RAB11FIP5: variants seen among roughly 807,000 people sequenced by gnomAD.
The protein encoded by RAB11FIP5 is rab11 family-interacting protein 5.
A neutral mutation model predicts 85.1 loss-of-function variants in RAB11FIP5; 48 were observed. The ratio of observed to expected loss-of-function variants is 0.56; its 90% confidence interval spans 0.45 to 0.72. The LOEUF (loss-of-function observed/expected upper bound fraction) is 0.72. Ranked by LOEUF, RAB11FIP5 falls within the 30% of genes least tolerant of loss-of-function variation. RAB11FIP5 has a pLI of 0.00. For synonymous variants in RAB11FIP5, 729 were observed against 727.3 expected (o/e 1.00, Z -0.04); for missense variants, 1,491 against 1,687.0 (o/e 0.88, Z 2.04).
intron 1 of RAB11FIP5, among the ~76,000 whole-genome samples, chr2:73,106,671 CT>C (rs1277121764): frequency 6.6e-6 from 1 of 152,238 alleles, no homozygotes; most frequent in African/African-American, 2.4e-5. Flanking sequence ...GCCACCTCTT[CT>C]TTACCCCAAA....
In RAB11FIP5 at chr2:73,075,984, G is replaced by A. The variant is rs765293934; in HGVS notation, c.3771+9C>T. On this transcript the variant is annotated intron_variant, in intron 5 of 5. Transcript: ENST00000486777. This position sits in a 1 kb window ranked among gnomAD's most constrained non-coding sequence, Gnocchi z 4.6. ...TGTCAGATGGCCCCCACACCCTGCT[G>A]GGCCTTACCTTCAGCCTTTTGGTGT... The A allele has an allele frequency of 1.9e-6, 3 of 1,609,246 alleles. No individual in the cohort carries two copies. Among genetic ancestry groups the A allele is most frequent in the Non-Finnish European group, 8.5e-7 (1 of 1,176,462 alleles).
At position 73,088,062 on chromosome 2, in the gene RAB11FIP5, G is replaced by A; in HGVS notation, c.1556C>T (p.Thr519Ile). 1 of 1,595,994 alleles carries A rather than the reference G, an allele frequency of 6.3e-7. No individual in the cohort carries two copies. Among genetic ancestry groups the A allele is most frequent in the Non-Finnish European group, 8.5e-7 (1 of 1,169,774 alleles). ...GCCAACGACTTACCTGGGTTTCTGA[G>A]TCGGGTCCTTGGCTTCTCTCAAGCC... ...WFGLREAKDP[T>I]QKPSLDVSPQ... The change falls in exon 3 of 6, where the codon ACT (threonine) becomes ATT (isoleucine). Residue 519 changes from threonine (T) to isoleucine (I), a missense_variant. By Grantham distance (89) the Thr-to-Ile change is moderately conservative. This residue lies in a region of RAB11FIP5 where 1,211 missense variants were observed against 1,338.0 expected (regional missense o/e 0.91). Transcript: ENST00000486777.
At chr2:73,083,344 G>T (rs552743505) in intron 3 of RAB11FIP5, among the ~76,000 whole-genome samples, 2 of 152,284 alleles carry the variant, frequency 1.3e-5, no homozygotes, top group Admixed American at 1.3e-4. Context: ...CTAAACAGAG[G>T]CACAGGTAGC....
At chr2:73,082,138 C>T (rs982375387) in intron 3 of RAB11FIP5, among the ~76,000 whole-genome samples, 2 of 151,022 alleles carry the variant, frequency 1.3e-5, no homozygotes, top group Non-Finnish European at 2.9e-5. Context: ...CAGGCTCAAG[C>T]CATTCTTGTG....
intron 1 of RAB11FIP5, among the ~76,000 whole-genome samples, chr2:73,103,128 T>C (rs1684461129): frequency 6.6e-6 from 1 of 152,138 alleles, no homozygotes; most frequent in Admixed American, 6.5e-5. Context: ...TACCCCATCT[T>C]TTGATTTGGT....
chr2:73,080,969 C>G lies in RAB11FIP5; in HGVS notation c.2263G>C (p.Ala755Pro). 1 of 1,232,342 alleles carries G rather than the reference C, an allele frequency of 8.1e-7. No homozygotes were observed. The highest frequency in any genetic ancestry group is 1.5e-5 in the African/African-American group (1 of 64,548). 76.3% of individuals were successfully genotyped at this position (1,232,342 alleles called of 1,614,324 possible). The change falls in exon 4 of 6, where the codon GCC (alanine) becomes CCC (proline). Residue 755 changes from alanine (A) to proline (P), a missense_variant. Around this residue, in one of 3 missense-constraint regions of RAB11FIP5, gnomAD observed 1,211 missense variants for 1,338.0 expected, o/e 0.91. Transcript: ENST00000486777. Reference sequence around the variant, plus strand: ...CCTGAGGCTCTCAGCTGTAGCTGGGCTGACGAGGAGGGCAGGCCAGCCCCT... The same window carrying G: ...CCTGAGGCTCTCAGCTGTAGCTGGGGTGACGAGGAGGGCAGGCCAGCCCCT... Reference protein sequence around the residue: ...SVGAGLPSSSAQLQLRASGSE... With the variant: ...SVGAGLPSSSPQLQLRASGSE...
chr2:73,079,478 C>T (rs922124943), intron 4 of RAB11FIP5, among the ~76,000 whole-genome samples, 173 bp downstream of exon 4: 3 of 152,170 alleles, frequency 2.0e-5, no homozygotes, highest in Non-Finnish European at 2.9e-5. Context: ...AGAGGTGGTA[C>T]CATAGAAAGC....
At chr2:73,100,256 G>A (rs1024332491) in intron 1 of RAB11FIP5, among the ~76,000 whole-genome samples, 3 of 152,106 alleles carry the variant, frequency 2.0e-5, no homozygotes, top group Non-Finnish European at 2.9e-5. Context: ...GATTTCTACC[G>A]CGGGACAGTG....
At position 73,109,069 on chromosome 2, in the gene RAB11FIP5, G is replaced by A. The variant is rs137881710; in HGVS notation, c.431+3278C>T. On this transcript the variant is annotated intron_variant, in intron 1 of 5. Transcript: ENST00000486777. ...CAAAAAAGAAAAAAAAAAGGATGTT[G>A]AAGATAAAAACCAGAAAATAAATCG... Among the ~76,000 whole-genome samples the A allele has an allele frequency of 3.2e-3, 482 of 152,198 alleles. 4 individuals carry two copies. The highest frequency in any genetic ancestry group is 0.01 in the African/African-American group (423 of 41,530).
At chr2:73,084,297 G>C (rs2106106697) in intron 3 of RAB11FIP5, 1 of 152,292 alleles carries the variant, frequency 6.6e-6, no homozygotes, top group Non-Finnish European at 1.5e-5. Context: ...ACATTCTGAA[G>C]GTTCTCACTT....
chr2:73,110,590 C>G (rs917930455), intron 1 of RAB11FIP5, among the ~76,000 whole-genome samples: 3 of 152,108 alleles, frequency 2.0e-5, no homozygotes, highest in Non-Finnish European at 4.4e-5. Flanking sequence ...ATTAAGGTTC[C>G]CATTCAGATC....
chr2:73,083,797 C>T (rs1684044414), intron 3 of RAB11FIP5, among the ~76,000 whole-genome samples: 1 of 152,226 alleles, frequency 6.6e-6, no homozygotes, highest in Non-Finnish European at 1.5e-5. Flanking sequence ...ATCCATACCA[C>T]ACCCAGCCCA....
intron 1 of RAB11FIP5, among the ~76,000 whole-genome samples, chr2:73,097,860 G>T (rs1684351708): frequency 6.6e-6 from 1 of 152,230 alleles, no homozygotes. Flanking sequence ...ATCCAGCTTT[G>T]TGAACAGAGG....
At chr2:73,111,764 A>G (rs1463069561) in intron 1 of RAB11FIP5, among the ~76,000 whole-genome samples, 1 of 152,038 alleles carries the variant, frequency 6.6e-6, no homozygotes, top group African/African-American at 2.4e-5. Context: ...ACACAGAGGG[A>G]CAGGATGGGG....
intron 1 of RAB11FIP5, among the ~76,000 whole-genome samples, chr2:73,101,045 G>T (rs1302266197): frequency 1.4e-5 from 2 of 141,580 alleles, no homozygotes; most frequent in African/African-American, 5.1e-5. Flanking sequence ...GGTGGGGTGG[G>T]GGGGATTTGG....
At position 73,081,525 on chromosome 2, in the gene RAB11FIP5, G is replaced by C; in HGVS notation, c.1707C>G (p.Ala569=). The C allele has an allele frequency of 3.3e-6, 4 of 1,225,756 alleles. No homozygotes were observed. The highest frequency in any genetic ancestry group is 1.6e-5 in the African/African-American group (1 of 64,358). 75.9% of individuals were successfully genotyped at this position (1,225,756 alleles called of 1,614,324 possible). ...CGGCAGCAGTGGCAGCAGCGGGGGA[G>C]GCGGCTGCAAAAAGGTTAGTGCTTA... ...PMLSTNLFAA[A]SPAAATAAAA... The change falls in exon 4 of 6, where the codon GCC becomes GCG. Residue 569 remains alanine, a synonymous_variant. Transcript: ENST00000486777. The surrounding 1 kb of genome is among the most constrained non-coding windows in gnomAD (Gnocchi z 4.2).
rs965261246 is a variant in RAB11FIP5, at chr2:73,081,498, A to G, written c.1734T>C (p.Ala578=). Residue 578 remains alanine, a synonymous_variant, in exon 4 of 6, where the codon GCT becomes GCC. Transcript: ENST00000486777. The surrounding 1 kb of genome is among the most constrained non-coding windows in gnomAD (Gnocchi z 4.2). Reference sequence around the variant, plus strand: ...CTTCAGGGGCGGCGGTGGTGGCGGCAGCGGCAGCAGTGGCAGCAGCGGGGG... The same window carrying G: ...CTTCAGGGGCGGCGGTGGTGGCGGCGGCGGCAGCAGTGGCAGCAGCGGGGG... ...AASPAAATAA[A]AATTAAPEAT... The G allele has an allele frequency of 2.0e-4, 253 of 1,234,296 alleles. 1 individual carries two copies. The highest frequency in any genetic ancestry group is 6.1e-4 in the Middle Eastern group (2 of 3,298). The allele number at this position is 1,234,296 out of a possible 1,614,324, so 76.5% of individuals were successfully genotyped here.
chr2:73,091,429 T>C (rs1012506560), intron 1 of RAB11FIP5, among the ~76,000 whole-genome samples: 9 of 152,046 alleles, frequency 5.9e-5, no homozygotes, highest in Admixed American at 1.3e-4. Flanking sequence ...TCAAAGTCCC[T>C]TGGTGACTGC....
intron 1 of RAB11FIP5, among the ~76,000 whole-genome samples, chr2:73,111,852 G>C (rs901399484): frequency 4.6e-5 from 7 of 152,168 alleles, no homozygotes; most frequent in Admixed American, 1.3e-4. Flanking sequence ...CAGCTTCTAC[G>C]TTTAGCGGGG....
Sources: allele counts gnomAD v4.1 joint callset (sites outside exome capture counted in the v4.1 genomes callset), GRCh38; gene constraint gnomAD v4.1.1; regional missense constraint gnomAD v4.1.1; non-coding constraint Gnocchi (gnomAD v3.1); transcripts MANE v1.5; gene names NCBI Gene and HGNC (gene_info 2026-07-23, HGNC 2026-07-21).